Variants in RAB44 observed in about 807,000 individuals in gnomAD.
RAB44 encodes the protein ras-related protein Rab-44.
A neutral mutation model predicts 93.3 loss-of-function variants in RAB44; 67 were observed. That is an observed-to-expected ratio of 0.72 (90% CI 0.59 to 0.88). The LOEUF is 0.88. RAB44 is among the 40% of genes least tolerant of loss of function. The probability of loss-of-function intolerance (pLI) is 0.00; values close to 1 mark genes in which losing one functional copy is unlikely to be tolerated. For missense variants in RAB44, 1,064 were observed against 1,261.7 expected (o/e 0.84, Z 2.37); for synonymous variants, 427 against 520.3 (o/e 0.82, Z 2.44).
At chr6:36,727,081 G>A (rs937931979) in intron 10 of RAB44, among the ~76,000 whole-genome samples, 4 of 150,198 alleles carry the variant, frequency 2.7e-5, no homozygotes, top group Non-Finnish European at 6.0e-5. Context: ...GATTACAGGC[G>A]TGAGCCACCG....
At chr6:36,713,347 C>T (rs1762833100) in intron 2 of RAB44, among the ~76,000 whole-genome samples, 2 of 152,182 alleles carry the variant, frequency 1.3e-5, no homozygotes, top group African/African-American at 4.8e-5. Context: ...AGTCGCTTGC[C>T]ACCATGCCTG....
intron 2 of RAB44, among the ~76,000 whole-genome samples, chr6:36,711,866 G>A (rs1329559606): frequency 6.7e-6 from 1 of 149,446 alleles, no homozygotes; most frequent in African/African-American, 2.5e-5. Flanking sequence ...TTGCGCCACT[G>A]CATTCCAGCT....
At chr6:36,722,861 C>A in intron 9 of RAB44, 128 bp downstream of exon 9, 2 of 1,029,036 alleles carry the variant, frequency 1.9e-6, no homozygotes, top group Non-Finnish European at 2.8e-6. Context: ...ACGGGCCCTG[C>A]ATTAGACATT....
In RAB44 at chr6:36,730,700, A is replaced by C. The variant is rs763925746; in HGVS notation, c.2926A>C (p.Ser976Arg). The C allele has an allele frequency of 7.3e-6, 9 of 1,234,100 alleles. No individual in the cohort carries two copies. Among genetic ancestry groups the C allele is most frequent in the Non-Finnish European group, 8.1e-6 (8 of 988,204 alleles). The allele number at this position is 1,234,100 out of a possible 1,614,324, so 76.4% of individuals were successfully genotyped here. The change falls in exon 13 of 14, where the codon AGT (serine) becomes CGT (arginine). Residue 976 changes from serine to arginine, a missense_variant. By Grantham distance (110) the Ser-to-Arg change is moderately radical. Transcript: ENST00000612677. ...QELGVYFGEC[S>R]AALGHNILEP... ...ACTGGGGGTCTATTTTGGGGAGTGCAGTGCCGCCTTGGGTCACAACATCCT... is the reference window on the plus strand; with the variant it reads ...ACTGGGGGTCTATTTTGGGGAGTGCCGTGCCGCCTTGGGTCACAACATCCT...
In RAB44 at chr6:36,721,637, TG is replaced by T. The variant is rs1763085015; in HGVS notation, c.1506del (p.Pro504LeufsTer56). ...TCAAAGTGCTCATTCCTTTGGAGGA[TG>T]GGCCCCCTCCCCCTGCGAACTCTCC... is the stretch of plus-strand genomic sequence containing the variant. ...AFKVLIPLED[G>X]PPPPANSPPP... On this transcript the variant is annotated frameshift_variant, in exon 9 of 14. Transcript: ENST00000612677. LOFTEE classifies it high-confidence loss of function. The T allele has an allele frequency of 1.6e-6, 2 of 1,234,364 alleles. No individual in the cohort carries two copies. Among genetic ancestry groups the T allele is most frequent in the Admixed American group, 4.2e-5 (1 of 23,704 alleles). The allele number at this position is 1,234,364 out of a possible 1,614,324, so 76.5% of individuals were successfully genotyped here.
chr6:36,723,836 CAAAA>C (rs565860026), intron 9 of RAB44, among the ~76,000 whole-genome samples: 17 of 64,620 alleles, frequency 2.6e-4, no homozygotes, highest in African/African-American at 6.5e-4. Context: ...TTCCGTCTCC[CAAAA>C]AAAAAAAAAA....
chr6:36,709,109 T>C lies in RAB44; in HGVS notation c.207+4667T>C, dbSNP rs913446459. On this transcript the variant is annotated intron_variant, in intron 2 of 13. Coordinates refer to ENST00000612677, the MANE Select transcript of RAB44 (RefSeq NM_001257357.2). ...ACAGGCGCCTGCCACCACCTCTGGCTATTTTTTTTTATTTTTATTTTTAGT... is the reference window on the plus strand; with the variant it reads ...ACAGGCGCCTGCCACCACCTCTGGCCATTTTTTTTTATTTTTATTTTTAGT... Among the ~76,000 whole-genome samples, 4 of 151,668 alleles carry C rather than the reference T, an allele frequency of 2.6e-5. No homozygotes were observed. In the South Asian group the frequency reaches 6.3e-4, roughly 24 times the overall value.
chr6:36,727,070 G>A (rs2099530994), intron 10 of RAB44, among the ~76,000 whole-genome samples: 1 of 140,748 alleles, frequency 7.1e-6, no homozygotes, highest in Non-Finnish European at 1.7e-5. Flanking sequence ...CAAAGTGCTG[G>A]GATTACAGGC....
intron 2 of RAB44, 90 bp downstream of exon 2, chr6:36,704,532 T>A (rs1416285547): frequency 7.5e-6 from 9 of 1,195,106 alleles, no homozygotes; most frequent in Non-Finnish European, 1.1e-5. Flanking sequence ...CAGGGCTTGC[T>A]ACCCCTGCCC....
At position 36,717,537 on chromosome 6, in the gene RAB44, A is replaced by G. The variant is rs1582629884; in HGVS notation, c.641+118A>G. 2.7e-6 allele frequency: 3 copies of G among 1,126,116 alleles called. No individual in the cohort carries two copies. The highest frequency in any genetic ancestry group is 3.4e-6 in the Non-Finnish European group (3 of 892,758). 69.8% of individuals were successfully genotyped at this position (1,126,116 alleles called of 1,614,324 possible). A position where few individuals can be genotyped will look rare whatever the true frequency, so the allele number is the denominator to read the frequency against. ...GCTGGGCCTGTGAGCTGGATAGGGC[A>G]GAGCTGCGCTGGAGGAAGAGGTGGC... On this transcript the variant is annotated intron_variant, in intron 5 of 13. Coordinates refer to ENST00000612677, the MANE Select transcript of RAB44 (RefSeq NM_001257357.2). The surrounding 1 kb of genome is among the most constrained non-coding windows in gnomAD (Gnocchi z 4.1).
In RAB44 at chr6:36,722,264, C is replaced by A; in HGVS notation, c.2130C>A (p.Leu710=). 1 of 1,284,028 alleles carries A rather than the reference C, an allele frequency of 7.8e-7. No homozygotes were observed. The highest frequency in any genetic ancestry group is 1.5e-5 in the African/African-American group (1 of 66,298). The allele number at this position is 1,284,028 out of a possible 1,614,324, so 79.5% of individuals were successfully genotyped here. A position where few individuals can be genotyped will look rare whatever the true frequency, so the allele number is the denominator to read the frequency against. Residue 710 remains leucine (L), a synonymous_variant, in exon 9 of 14, where the codon CTC becomes CTA. Coordinates refer to ENST00000612677, the MANE Select transcript of RAB44 (RefSeq NM_001257357.2). ...GCCTAGAAACTGCGCATTCGGAACT[C>A]CCCCAGCAAGACTCTCTGCTTGTTT... The part of the protein sequence containing the change: ...AHGLETAHSE[L]PQQDSLLVSL...
chr6:36,732,216 C>A lies in RAB44; in HGVS notation c.*123C>A. On this transcript the variant is annotated 3_prime_UTR_variant, in exon 14 of 14. Transcript: ENST00000612677. Reference sequence around the variant, plus strand: ...CTTGGAGGTTCAGGAAAACCCTTCTCAACTCAGGACTCGGATCCCAGAGCA... The same window carrying A: ...CTTGGAGGTTCAGGAAAACCCTTCTAAACTCAGGACTCGGATCCCAGAGCA... The A allele has an allele frequency of 3.9e-6, 2 of 516,108 alleles. No homozygotes were observed. Among genetic ancestry groups the A allele is most frequent in the Non-Finnish European group, 6.0e-6 (2 of 334,112 alleles). The allele number at this position is 516,108 out of a possible 1,614,324, so 32.0% of individuals were successfully genotyped here. A position where few individuals can be genotyped will look rare whatever the true frequency, so the allele number is the denominator to read the frequency against.
intron 7 of RAB44, 100 bp from the exon 8 acceptor site, chr6:36,720,263 G>A (rs1162175262): frequency 9.6e-6 from 10 of 1,041,474 alleles, no homozygotes; most frequent in African/African-American, 1.7e-5. Context: ...CCAGGAGCCT[G>A]GACAGGGGGT....
At position 36,731,262 on chromosome 6, in the gene RAB44, C is replaced by T. The variant is rs1229482005; in HGVS notation, c.2975+513C>T. On this transcript the variant is annotated intron_variant, in intron 13 of 13. Coordinates refer to ENST00000612677, the MANE Select transcript of RAB44 (RefSeq NM_001257357.2). This position sits in a 1 kb window ranked among gnomAD's most constrained non-coding sequence, Gnocchi z 4.0. ...ACTCCCTCCCTGATCACCCACCTGC[C>T]ATCACTATTTTGGATCACAGCCCCT... 6.6e-6 allele frequency among the ~76,000 whole-genome samples: 1 copy of T among 152,136 alleles called. No individual in the cohort carries two copies. The highest frequency in any genetic ancestry group is 2.4e-5 in the African/African-American group (1 of 41,422).
intron 13 of RAB44, 23 bp downstream of exon 13, chr6:36,730,772 C>T (rs1285159922): frequency 3.7e-5 from 40 of 1,072,854 alleles, no homozygotes; most frequent in East Asian, 2.7e-4. Context: ...CGCCCCCCGC[C>T]GCCCCCACCC....
In RAB44 at chr6:36,725,987, C is replaced by T. The variant is rs148282414; in HGVS notation, c.2681+44C>T. The T allele has an allele frequency of 1.3e-5, 19 of 1,455,272 alleles. No homozygotes were observed. The African/African-American group carries it at 2.1e-4, about 16-fold the overall frequency. The allele number at this position is 1,455,272 out of a possible 1,614,324, so 90.1% of individuals were successfully genotyped here. A position where few individuals can be genotyped will look rare whatever the true frequency, so the allele number is the denominator to read the frequency against. ...CAGTGTGTCAGGAACCTAGGCTGAGCGTAGGGGTGCAGAGGGACAGGGAGC... is the reference window on the plus strand; with the variant it reads ...CAGTGTGTCAGGAACCTAGGCTGAGTGTAGGGGTGCAGAGGGACAGGGAGC... On this transcript the variant is annotated intron_variant, in intron 10 of 13. Coordinates refer to ENST00000612677, the MANE Select transcript of RAB44 (RefSeq NM_001257357.2).
In RAB44 at chr6:36,722,077, G is replaced by T. The variant is rs1404200318; in HGVS notation, c.1943G>T (p.Gly648Val). 7 of 1,228,616 alleles carry T rather than the reference G, an allele frequency of 5.7e-6. No homozygotes were observed. The highest frequency in any genetic ancestry group is 7.1e-6 in the Non-Finnish European group (7 of 988,508). 76.1% of individuals were successfully genotyped at this position (1,228,616 alleles called of 1,614,324 possible). Residue 648 changes from glycine (G) to valine (V), a missense_variant, in exon 9 of 14, where the codon GGG (glycine) becomes GTG (valine). Physicochemically the swap from Gly to Val is moderately radical, Grantham distance 109. Transcript: ENST00000612677. ...GCGGTGCAGGAGGGCCTTCCTGAGGGGCTAAGAGAAGCTCATGGCCAGGTC... is the reference window on the plus strand; with the variant it reads ...GCGGTGCAGGAGGGCCTTCCTGAGGTGCTAAGAGAAGCTCATGGCCAGGTC... ...GPAVQEGLPE[G>V]LREAHGQVLG...
intron 1 of RAB44, among the ~76,000 whole-genome samples, chr6:36,699,081 A>G (rs1762451917): frequency 6.6e-6 from 1 of 152,030 alleles, no homozygotes; most frequent in Non-Finnish European, 1.5e-5. Flanking sequence ...TGAGGTGGCG[A>G]TGGCTGGAGG....
chr6:36,720,646 G>A (rs1763051053), intron 8 of RAB44, 96 bp downstream of exon 8: 6 of 943,242 alleles, frequency 6.4e-6, no homozygotes, highest in Non-Finnish European at 6.9e-6. Context: ...CTAGCACACA[G>A]TGCACACATA....
Sources: allele counts gnomAD v4.1 joint callset (sites outside exome capture counted in the v4.1 genomes callset), GRCh38; gene constraint gnomAD v4.1.1; non-coding constraint Gnocchi (gnomAD v3.1); transcripts MANE v1.5; gene names NCBI Gene and HGNC (gene_info 2026-07-23, HGNC 2026-07-21).